TNK2: variants seen among roughly 807,000 people sequenced by gnomAD.
TNK2 encodes the protein tyrosine kinase non receptor 2.
Under a neutral mutation model 101.8 loss-of-function variants are expected in TNK2, and 83 were observed. The ratio of observed to expected loss-of-function variants is 0.82; its 90% CI spans 0.68 to 0.98. The LOEUF (loss-of-function observed/expected upper bound fraction) is 0.98. Among genes scored for constraint, TNK2 ranks in the 50% least tolerant of loss-of-function variants. The probability of loss-of-function intolerance (pLI) is 0.00; values close to 1 mark genes in which losing one functional copy is unlikely to be tolerated. For synonymous variants in TNK2, 804 were observed against 633.0 expected (o/e 1.27, Z -4.06); for missense variants, 1,665 against 1,483.2 (o/e 1.12, Z -2.01).
chr3:195,872,162 G>C, intron 10 of TNK2, 114 bp downstream of exon 10: 1 of 1,240,440 alleles, frequency 8.1e-7, no homozygotes, highest in East Asian at 2.6e-5. Flanking sequence ...GGCGGGTCGG[G>C]GGCTGAAGCC....
chr3:195,903,358 T>C (rs1405850300), intron 1 of TNK2, among the ~76,000 whole-genome samples: 3 of 152,148 alleles, frequency 2.0e-5, no homozygotes, highest in Admixed American at 2.0e-4. Context: ...CCACTCTTAA[T>C]GGTGAGAGAC....
intron 1 of TNK2, among the ~76,000 whole-genome samples, chr3:195,907,147 G>C (rs1332360067): frequency 1.3e-5 from 2 of 152,240 alleles, no homozygotes; most frequent in Non-Finnish European, 2.9e-5. Context: ...TTGTGTGTAT[G>C]TGTTTAAAAC....
Position 195,888,822 on chromosome 3 carries a change from T to G in TNK2, c.-18-216A>C, listed in dbSNP as rs1757220690. ...AATTAGGGCGGCGGAGATACAGCCC[T>G]GGCCCTGGAGTCAGGAGTCAGGGTC... On this transcript the variant is annotated intron_variant, in intron 1 of 15. Transcript: ENST00000672887. The surrounding 1 kb of genome is among the most constrained non-coding windows in gnomAD (Gnocchi z 5.3). 6.6e-6 allele frequency among the ~76,000 whole-genome samples: 1 copy of G among 152,066 alleles called. No homozygotes were observed. Among genetic ancestry groups the G allele is most frequent in the South Asian group, 2.1e-4 (1 of 4,812 alleles).
Position 195,887,038 on chromosome 3 carries a change from C to T in TNK2, c.173G>A (p.Arg58Gln), listed in dbSNP as rs1755961038. The T allele has an allele frequency of 7.4e-6, 12 of 1,614,064 alleles. No individual in the cohort carries two copies. The highest frequency in any genetic ancestry group is 1.3e-5 in the African/African-American group (1 of 74,950). The change falls in exon 3 of 16, where the codon CGG becomes CAG. Residue 58 changes from arginine (R) to glutamine (Q), a missense_variant. Transcript: ENST00000672887. ...CCTCCTCTTCACAGCCTCCCACAGC[C>T]GCCGCTGGCCTGCAGGGAGAGCGGG... ...KIGMGRPGQR[R>Q]LWEAVKRRKA... is the part of the protein sequence containing the mutation.
chr3:195,867,772 G>T lies in TNK2; in HGVS notation c.2526C>A (p.Tyr842Ter). ...TTQSFASDPK[Y>*]ATPQVIQAPG... ...GGGCCTGGATCACCTGGGGGGTGGC[G>T]TACTTGGGGTCTGAGGCAAAGCTCT... Residue 842 changes from tyrosine to a stop codon, truncating the protein, a stop_gained, in exon 13 of 16, where the codon TAC (tyrosine) becomes TAA (stop). Transcript: ENST00000672887. LOFTEE classifies it high-confidence loss of function. The T allele has an allele frequency of 6.3e-7, 1 of 1,583,680 alleles. No homozygotes were observed. The highest frequency in any genetic ancestry group is 1.9e-5 in the Admixed American group (1 of 53,806).
At chr3:195,890,950 A>G (rs1758175944) in intron 1 of TNK2, among the ~76,000 whole-genome samples, 3 of 152,104 alleles carry the variant, frequency 2.0e-5, no homozygotes, top group Admixed American at 2.0e-4. Context: ...CTGACTCCTC[A>G]CTACATTGTC....
rs138187175 is a variant in TNK2, at chr3:195,879,321, G to A, written c.888-146C>T. 1,542 of 1,248,178 alleles carry A rather than the reference G, an allele frequency of 1.2e-3. 11 individuals are homozygous for A. In the African/African-American group the frequency reaches 0.02, roughly 16 times the overall value. The allele number at this position is 1,248,178 out of a possible 1,614,324, so 77.3% of individuals were successfully genotyped here. ...GGGTCTCAGGGGCGCCGTGTGAAGC[G>A]GGCAGGACCCCTTGACGACACGATG... is the stretch of plus-strand genomic sequence containing the variant. On this transcript the variant is annotated intron_variant, in intron 6 of 15. Transcript: ENST00000672887.
intron 1 of TNK2, among the ~76,000 whole-genome samples, chr3:195,907,328 C>G (rs997544909): frequency 2.6e-5 from 4 of 152,286 alleles, no homozygotes; most frequent in African/African-American, 9.6e-5. Flanking sequence ...GAGGAGCGGG[C>G]TAACCGGCTC....
In TNK2 at chr3:195,885,429, G is replaced by A. The variant is rs189685204; in HGVS notation, c.235-396C>T. The A allele has an allele frequency of 6.6e-5, 88 of 1,329,002 alleles. 2 individuals carry two copies. Among genetic ancestry groups the A allele is most frequent in the South Asian group, 4.3e-4 (35 of 81,242 alleles). 82.3% of individuals were successfully genotyped at this position (1,329,002 alleles called of 1,614,324 possible). ...AGCCCTAACCCGCATCGATGGAGCC[G>A]CAGGGGCCCTCCACAGACACCTCCT... On this transcript the variant is annotated intron_variant, in intron 3 of 15. Coordinates refer to ENST00000672887, the MANE Select transcript of TNK2 (RefSeq NM_001382273.1). This position sits in a 1 kb window ranked among gnomAD's most constrained non-coding sequence, Gnocchi z 4.7.
chr3:195,876,497 G>A lies in TNK2; in HGVS notation c.1256+1756C>T, dbSNP rs1275318416. On this transcript the variant is annotated intron_variant, in intron 9 of 15. Coordinates refer to ENST00000672887, the MANE Select transcript of TNK2 (RefSeq NM_001382273.1). Reference sequence around the variant, plus strand: ...ACGGAGGCAGCCAAACAAACATGGAGATATTCAGGGACTGAAGAAACAAGG... The same window carrying A: ...ACGGAGGCAGCCAAACAAACATGGAAATATTCAGGGACTGAAGAAACAAGG... The A allele has an allele frequency of 2.8e-5, 13 of 456,716 alleles. No individual in the cohort carries two copies. The Admixed American group carries it at 3.1e-4, about 11-fold the overall frequency. The allele number at this position is 456,716 out of a possible 1,614,324, so 28.3% of individuals were successfully genotyped here. A position where few individuals can be genotyped will look rare whatever the true frequency, so the allele number is the denominator to read the frequency against.
intron 9 of TNK2, among the ~76,000 whole-genome samples, chr3:195,877,052 T>C (rs1250842209): frequency 6.6e-6 from 1 of 152,128 alleles, no homozygotes; most frequent in Non-Finnish European, 1.5e-5. Context: ...CTGGAGGCCC[T>C]GCCAGGTACT....
chr3:195,894,343 G>A (rs963959322), intron 1 of TNK2: 15 of 152,260 alleles, frequency 9.9e-5, no homozygotes, highest in African/African-American at 3.6e-4. Context: ...AACAAGACCT[G>A]TAACTGGCCC....
chr3:195,867,281 CT>C lies in TNK2; in HGVS notation c.2938-18del. On this transcript the variant is annotated intron_variant, in intron 13 of 15. Coordinates refer to ENST00000672887, the MANE Select transcript of TNK2 (RefSeq NM_001382273.1). Reference sequence around the variant, plus strand: ...GGCCTGCAGCTGGGCACACCCACCCCTGTCAGCACCACTAGGGCCCACTGCT... The same window carrying C: ...GGCCTGCAGCTGGGCACACCCACCCCGTCAGCACCACTAGGGCCCACTGCT... 2.6e-6 allele frequency: 3 copies of C among 1,144,628 alleles called. No homozygotes were observed. The highest frequency in any genetic ancestry group is 1.5e-5 in the South Asian group (1 of 65,318). The allele number at this position is 1,144,628 out of a possible 1,614,324, so 70.9% of individuals were successfully genotyped here. A position where few individuals can be genotyped will look rare whatever the true frequency, so the allele number is the denominator to read the frequency against.
intron 9 of TNK2, 149 bp from the exon 10 acceptor site, chr3:195,872,619 C>T (rs1367257514): frequency 1.1e-5 from 9 of 789,862 alleles, no homozygotes; most frequent in Non-Finnish European, 1.8e-5. Flanking sequence ...TCCTCCCCAA[C>T]AGCCCCCGTG....
chr3:195,883,393 C>A, intron 4 of TNK2, 84 bp from the exon 5 acceptor site: 1 of 1,526,882 alleles, frequency 6.5e-7, no homozygotes. Flanking sequence ...TCCAACTCGG[C>A]TCAACGATCC....
chr3:195,868,221 G>C lies in TNK2; in HGVS notation c.2077C>G (p.Arg693Gly). 5.0e-6 allele frequency: 8 copies of C among 1,606,600 alleles called. No individual in the cohort carries two copies. Among genetic ancestry groups the C allele is most frequent in the Non-Finnish European group, 5.9e-6 (7 of 1,179,210 alleles). The change falls in exon 13 of 16, where the codon CGG becomes GGG. Residue 693 changes from arginine (R) to glycine (G), a missense_variant. Coordinates refer to ENST00000672887, the MANE Select transcript of TNK2 (RefSeq NM_001382273.1). Reference sequence around the variant, plus strand: ...TTGTCCTCCAGGGGAGGGGGCGGCCGCGCCTGCTCAGGCACAAAGGCGTAG... The same window carrying C: ...TTGTCCTCCAGGGGAGGGGGCGGCCCCGCCTGCTCAGGCACAAAGGCGTAG... The part of the protein sequence containing the change: ...TNYAFVPEQA[R>G]PPPPLEDNLF...
rs766598817 is a variant in TNK2, at chr3:195,870,136, G to A, written c.1521C>T (p.Pro507=). Residue 507 remains proline, a synonymous_variant, in exon 11 of 16, where the codon CCC becomes CCT. Transcript: ENST00000672887. ...TACTTTTCACCCCTCCTAGATGCTGGGGGGGCCGGGAGGTGCTCAGTTCCA... is the reference window on the plus strand; with the variant it reads ...TACTTTTCACCCCTCCTAGATGCTGAGGGGGCCGGGAGGTGCTCAGTTCCA... The part of the protein sequence containing the change: ...LSVELSTSRP[P]QHLGGVKREP... 4.8e-6 allele frequency: 7 copies of A among 1,473,214 alleles called. No homozygotes were observed. Among genetic ancestry groups the A allele is most frequent in the Admixed American group, 2.4e-5 (1 of 40,820 alleles). 91.3% of individuals were successfully genotyped at this position (1,473,214 alleles called of 1,614,324 possible).
intron 1 of TNK2, among the ~76,000 whole-genome samples, chr3:195,890,030 C>T (rs1207921387): frequency 6.6e-6 from 1 of 152,220 alleles, no homozygotes; most frequent in East Asian, 1.9e-4. Context: ...TTCCCAGTGG[C>T]CCTGCCAACA....
intron 1 of TNK2, among the ~76,000 whole-genome samples, chr3:195,899,107 T>TA (rs889774546): frequency 2.0e-4 from 31 of 151,990 alleles, no homozygotes; most frequent in Non-Finnish European, 4.3e-4. Flanking sequence ...AAATAAATAA[T>TA]AAAAAAATAA....
Sources: gnomAD v4.1 joint callset for allele counts (sites outside exome capture counted in the v4.1 genomes callset) on GRCh38, gnomAD v4.1.1 for gene constraint, Gnocchi (gnomAD v3.1) non-coding constraint, MANE v1.5 for transcripts, NCBI Gene and HGNC (gene_info 2026-07-23, HGNC 2026-07-21) for gene names.